Variants in BRAF observed in about 807,000 individuals in gnomAD.
BRAF encodes serine/threonine-protein kinase B-raf.
A neutral mutation model predicts 104.6 loss-of-function variants in BRAF; 16 were observed. The ratio of observed to expected loss-of-function variants is 0.15; its 90% CI spans 0.10 to 0.23. The LOEUF (loss-of-function observed/expected upper bound fraction) is 0.23. Among genes scored for constraint, BRAF ranks in the 10% least tolerant of loss-of-function variants. The pLI, the probability that BRAF is intolerant of heterozygous loss-of-function variation, is 1.00. For synonymous variants in BRAF, 310 were observed against 341.6 expected, an observed-to-expected ratio of 0.91 and a Z score of 1.02; for missense variants, 541 against 937.3, an observed-to-expected ratio of 0.58 and a Z score of 5.52.
At chr7:140,809,067 T>C in intron 3 of BRAF, 72 bp from the exon 4 acceptor site, 1 of 1,269,996 alleles carries the variant, frequency 7.9e-7, no homozygotes, top group East Asian at 2.4e-5. Context: ...TTAAAAAAAT[T>C]TAGTAATTCA....
chr7:140,923,823 T>C (rs2129151968), intron 1 of BRAF, among the ~76,000 whole-genome samples: 1 of 152,020 alleles, frequency 6.6e-6, no homozygotes, highest in Non-Finnish European at 1.5e-5. Context: ...AAGTGGGAGC[T>C]GGGGTTAGAA....
chr7:140,737,075 T>C (rs1796507012), intron 18 of BRAF, among the ~76,000 whole-genome samples: 1 of 152,104 alleles, frequency 6.6e-6, no homozygotes, highest in Admixed American at 6.5e-5. Flanking sequence ...GGTATCATAC[T>C]ACATTTTGTT....
intron 14 of BRAF, among the ~76,000 whole-genome samples, chr7:140,774,405 TCA>T (rs1800131498): frequency 6.6e-6 from 1 of 152,244 alleles, no homozygotes; most frequent in Non-Finnish European, 1.5e-5. Context: ...TGACTGTTCT[TCA>T]GACTGCAGCA....
chr7:140,896,103 A>G (rs769451941), intron 1 of BRAF, among the ~76,000 whole-genome samples: 1 of 152,036 alleles, frequency 6.6e-6, no homozygotes, highest in Non-Finnish European at 1.5e-5. Flanking sequence ...GGATGAGACA[A>G]TACCTCACTG....
chr7:140,881,749 G>A (rs1200231585), intron 1 of BRAF, among the ~76,000 whole-genome samples: 1 of 152,210 alleles, frequency 6.6e-6, no homozygotes, highest in Non-Finnish European at 1.5e-5. Flanking sequence ...AGAGGCCATT[G>A]TAGAGTTATT....
At chr7:140,794,954 G>A (rs1175170451) in intron 7 of BRAF, among the ~76,000 whole-genome samples, 1 of 152,174 alleles carries the variant, frequency 6.6e-6, no homozygotes, top group Non-Finnish European at 1.5e-5. Context: ...CTTTACAGGA[G>A]TTGAATGAAA....
chr7:140,907,318 G>C (rs1452229232), intron 1 of BRAF, among the ~76,000 whole-genome samples: 1 of 152,124 alleles, frequency 6.6e-6, no homozygotes, highest in African/African-American at 2.4e-5. Context: ...CTGGAGTGCA[G>C]TGGTGCGATC....
In BRAF at chr7:140,720,627, C is replaced by T; in HGVS notation, c.*5867G>A. ...CAGGTAATTACAGTTTATTTCCCAC[C>T]CTCACATTAATTTTTCCCTATCCTA... On this transcript the variant is annotated 3_prime_UTR_variant, in exon 20 of 20. Transcript: ENST00000644969. 9.4e-7 allele frequency: 1 copy of T among 1,065,448 alleles called. No individual in the cohort carries two copies. The highest frequency in any genetic ancestry group is 1.1e-6 in the Non-Finnish European group (1 of 879,478). The allele number at this position is 1,065,448 out of a possible 1,614,324, so 66.0% of individuals were successfully genotyped here.
intron 14 of BRAF, among the ~76,000 whole-genome samples, chr7:140,769,166 T>A (rs1352474488): frequency 2.0e-5 from 3 of 152,034 alleles, no homozygotes; most frequent in Non-Finnish European, 4.4e-5. Flanking sequence ...AACCTCCGTC[T>A]CCTGGGTTCA....
At chr7:140,812,861 T>C (rs6977964) in intron 3 of BRAF, among the ~76,000 whole-genome samples, 14,300 of 152,166 alleles carry the variant, frequency 0.094, 2,147 homozygotes, top group African/African-American at 0.32. Context: ...ATACTTCATA[T>C]TGTATACCAG....
intron 10 of BRAF, chr7:140,785,558 G>A (rs1255817018): frequency 2.0e-5 from 8 of 394,284 alleles, no homozygotes; most frequent in African/African-American, 4.1e-5. Flanking sequence ...TTCCAGCCAG[G>A]CCAAACAGAA....
chr7:140,719,215 T>G, downstream of BRAF: 1 of 360,896 alleles, frequency 2.8e-6, no homozygotes, highest in Non-Finnish European at 3.9e-6. Context: ...TAACCAACAT[T>G]ATGTATGAAA....
intron 18 of BRAF, among the ~76,000 whole-genome samples, chr7:140,736,059 C>G (rs895324761): frequency 6.7e-6 from 1 of 150,374 alleles, no homozygotes; most frequent in African/African-American, 2.4e-5. Context: ...AGAGTCTATA[C>G]TTTCTTCTGT....
chr7:140,842,760 A>T (rs890222615), intron 2 of BRAF, among the ~76,000 whole-genome samples: 3 of 152,184 alleles, frequency 2.0e-5, no homozygotes, highest in African/African-American at 7.2e-5. Context: ...CAAATTTGAA[A>T]TTCTTTAGAG....
chr7:140,911,052 C>T (rs769161155), intron 1 of BRAF, among the ~76,000 whole-genome samples: 35 of 152,246 alleles, frequency 2.3e-4, no homozygotes, highest in Non-Finnish European at 4.1e-4. Context: ...TGGTTAAAGA[C>T]AGAAATCTAG....
At chr7:140,766,300 C>G (rs201865808) in intron 14 of BRAF, among the ~76,000 whole-genome samples, 1 of 150,948 alleles carries the variant, frequency 6.6e-6, no homozygotes, top group South Asian at 2.1e-4. Flanking sequence ...TGGGGTGGGG[C>G]AGGGGGGAGG....
rs1000885954 is a variant in BRAF at position 140,791,155 on chromosome 7, C to T, written c.1140+3153G>A. ...CGAAAAACCAAAAAAAATTGTCCCT[C>T]AACCCTGAATCAAGCTATCCTCTTT... On this transcript the variant is annotated intron_variant, in intron 8 of 19. Coordinates refer to ENST00000644969, the MANE Select transcript of BRAF (RefSeq NM_001374258.1). Among the ~76,000 whole-genome samples the T allele has an allele frequency of 3.9e-5, 6 of 152,072 alleles. No homozygotes were observed. The East Asian group carries it at 1.2e-3, about 29-fold the overall frequency.
intron 19 of BRAF, among the ~76,000 whole-genome samples, chr7:140,727,165 C>T (rs1306510233): frequency 3.4e-5 from 5 of 149,012 alleles, no homozygotes; most frequent in Admixed American, 6.7e-5. Context: ...AATTTGGGGG[C>T]TTCATGCCAT....
chr7:140,714,833 C>T (rs1795101866), downstream of BRAF, among the ~76,000 whole-genome samples: 3 of 152,010 alleles, frequency 2.0e-5, no homozygotes, highest in African/African-American at 4.8e-5. Flanking sequence ...TAGAGATGGG[C>T]GAGAAAAGCA....
Sources: gnomAD v4.1 joint callset for allele counts (sites outside exome capture counted in the v4.1 genomes callset) on GRCh38, gnomAD v4.1.1 for gene constraint, MANE v1.5 for transcripts, NCBI Gene and HGNC (gene_info 2026-07-23, HGNC 2026-07-21) for gene names.